Variants in CUL3 observed in about 807,000 individuals in gnomAD.
CUL3 encodes cullin 3, also known as cullin-3.
A neutral mutation model predicts 89.1 loss-of-function variants in CUL3; 19 were observed. The ratio of observed to expected loss-of-function variants is 0.21; its 90% confidence interval spans 0.15 to 0.31. CUL3 has a LOEUF of 0.31. CUL3 is among the 10% of genes least tolerant of loss of function. CUL3 has a pLI of 1.00. For missense variants in CUL3, 469 were observed against 942.3 expected, an observed-to-expected ratio of 0.50 and a Z score of 6.58; for synonymous variants, 351 against 308.4, an observed-to-expected ratio of 1.14 and a Z score of -1.45.
At chr2:224,538,374 A>G (rs1359258563) in intron 2 of CUL3, among the ~76,000 whole-genome samples, 1 of 152,238 alleles carries the variant, frequency 6.6e-6, no homozygotes, top group Non-Finnish European at 1.5e-5. Flanking sequence ...TTTTAAAAAG[A>G]TGGTTAAGTT....
chr2:224,515,179 G>A (rs192987095), intron 3 of CUL3, among the ~76,000 whole-genome samples: 13 of 152,190 alleles, frequency 8.5e-5, no homozygotes, highest in Admixed American at 2.6e-4. Context: ...AATAAAGTAC[G>A]GATTTATACA....
intron 2 of CUL3, among the ~76,000 whole-genome samples, chr2:224,554,354 C>T (rs747851139): frequency 5.9e-5 from 9 of 152,134 alleles, no homozygotes; most frequent in Non-Finnish European, 1.3e-4. Flanking sequence ...TTTCCAACTC[C>T]ATTATTAAGT....
Position 224,518,350 on chromosome 2 carries a change from C to T in CUL3, c.379-3578G>A, listed in dbSNP as rs1693142771. 2.0e-5 allele frequency among the ~76,000 whole-genome samples: 3 copies of T among 152,288 alleles called. No individual in the cohort carries two copies. The South Asian group carries it at 6.2e-4, about 32-fold the overall frequency. Reference sequence around the variant, plus strand: ...AACAGCACTCCATTGCATGGATACACCACATTTTGCTTATCTATAAGCTGA... The same window carrying T: ...AACAGCACTCCATTGCATGGATACATCACATTTTGCTTATCTATAAGCTGA... On this transcript the variant is annotated intron_variant, in intron 3 of 15. Coordinates refer to ENST00000264414, the MANE Select transcript of CUL3 (RefSeq NM_003590.5).
intron 10 of CUL3, among the ~76,000 whole-genome samples, chr2:224,501,030 C>A (rs975422868): frequency 2.6e-5 from 4 of 152,086 alleles, no homozygotes; most frequent in Non-Finnish European, 5.9e-5. Context: ...AAAACACTGA[C>A]CAAAGAATAG....
chr2:224,523,792 A>G (rs1256523838), intron 3 of CUL3, among the ~76,000 whole-genome samples: 1 of 152,242 alleles, frequency 6.6e-6, no homozygotes, highest in Non-Finnish European at 1.5e-5. Context: ...AGGACATGCT[A>G]AGTGAAATAT....
At chr2:224,550,681 C>T (rs1320303650) in intron 2 of CUL3, among the ~76,000 whole-genome samples, 2 of 152,178 alleles carry the variant, frequency 1.3e-5, no homozygotes, top group Admixed American at 6.5e-5. Context: ...TACAAACAAT[C>T]TGCTAGCAGG....
In CUL3 at chr2:224,478,239, T is replaced by C; in HGVS notation, c.2136A>G (p.Lys712=). The change falls in exon 15 of 16, where the codon AAA becomes AAG. Residue 712 remains lysine (K), a synonymous_variant. Transcript: ENST00000264414. ...CATTGTGCTGCATCTTCTTTCTAGA[T>C]TTCATTATCCGCACTATAGCAGCTT... ...EIEAAIVRIM[K]SRKKMQHNVL... The C allele has an allele frequency of 6.2e-7, 1 of 1,613,462 alleles. No individual in the cohort carries two copies. Among genetic ancestry groups the C allele is most frequent in the Non-Finnish European group, 8.5e-7 (1 of 1,179,602 alleles).
intron 3 of CUL3, among the ~76,000 whole-genome samples, chr2:224,520,573 C>T (rs1693224730): frequency 1.3e-5 from 2 of 152,178 alleles, no homozygotes; most frequent in African/African-American, 4.8e-5. Context: ...TACAAAAGCA[C>T]CACCAGTTTT....
intron 2 of CUL3, among the ~76,000 whole-genome samples, chr2:224,545,769 G>C (rs1420821690): frequency 2.0e-5 from 3 of 152,026 alleles, no homozygotes; most frequent in Non-Finnish European, 4.4e-5. Context: ...TCAATACAAA[G>C]TAGAATACAA....
chr2:224,579,855 A>G (rs1184043500), intron 1 of CUL3, among the ~76,000 whole-genome samples: 1 of 152,266 alleles, frequency 6.6e-6, no homozygotes. Flanking sequence ...ACCGTTTGAT[A>G]CAGGAAAGGA....
At chr2:224,559,502 C>T (rs1040864742) in intron 1 of CUL3, among the ~76,000 whole-genome samples, 5 of 151,544 alleles carry the variant, frequency 3.3e-5, no homozygotes, top group Non-Finnish European at 7.4e-5. Context: ...AAAACAAATC[C>T]TCACAAACCC....
chr2:224,492,255 GGTTA>G lies in CUL3; in HGVS notation c.1842+3573_1842+3576del, dbSNP rs554140635. Among the ~76,000 whole-genome samples the G allele has an allele frequency of 5.4e-3, 822 of 152,144 alleles. 14 individuals are homozygous for G. Among genetic ancestry groups the G allele is most frequent in the Middle Eastern group, 3.4e-3 (1 of 294 alleles). ...TTCCTATATCCCCCTTTTCAACTCA[GGTTA>G]GTCAATAAATTTGTAAGGAATTTCC... On this transcript the variant is annotated intron_variant, in intron 13 of 15. Transcript: ENST00000264414.
intron 1 of CUL3, among the ~76,000 whole-genome samples, chr2:224,580,444 G>A (rs373899598): frequency 2.0e-5 from 3 of 152,332 alleles, no homozygotes; most frequent in African/African-American, 7.2e-5. Flanking sequence ...AGCACTTTGC[G>A]TAACAGCGGT....
intron 1 of CUL3, among the ~76,000 whole-genome samples, chr2:224,572,522 TCCCAGCTA>T (rs1392356305): frequency 6.8e-6 from 1 of 147,164 alleles, no homozygotes; most frequent in East Asian, 2.0e-4. Context: ...GCACCTGTCG[TCCCAGCTA>T]CCCAGGAGGC....
intron 6 of CUL3, among the ~76,000 whole-genome samples, chr2:224,510,742 C>A (rs1356267387): frequency 6.6e-6 from 1 of 151,808 alleles, no homozygotes; most frequent in African/African-American, 2.4e-5. Context: ...TTTCTTTTAC[C>A]CCAGGAAAAT....
chr2:224,487,969 A>G (rs1224657190), intron 13 of CUL3, among the ~76,000 whole-genome samples: 1 of 152,222 alleles, frequency 6.6e-6, no homozygotes, highest in Non-Finnish European at 1.5e-5. Flanking sequence ...AACTACATGG[A>G]AACTGAACAA....
chr2:224,581,669 A>AT (rs1695440782), intron 1 of CUL3, among the ~76,000 whole-genome samples: 1 of 151,130 alleles, frequency 6.6e-6, no homozygotes, highest in African/African-American at 2.4e-5. Flanking sequence ...CACCTGGCAA[A>AT]TTTTTGTATT....
chr2:224,575,986 C>A (rs577834511), intron 1 of CUL3, among the ~76,000 whole-genome samples: 2 of 152,216 alleles, frequency 1.3e-5, no homozygotes, highest in South Asian at 4.1e-4. Context: ...AGAGGCTAGA[C>A]ATAATATCTG....
intron 2 of CUL3, among the ~76,000 whole-genome samples, chr2:224,557,449 A>G (rs1694748261): frequency 1.3e-5 from 2 of 152,174 alleles, no homozygotes; most frequent in South Asian, 4.1e-4. Context: ...AGCATTTATT[A>G]TAGCTCACAA....
Sources: allele counts gnomAD v4.1 joint callset (sites outside exome capture counted in the v4.1 genomes callset), GRCh38; gene constraint gnomAD v4.1.1; transcripts MANE v1.5; gene names NCBI Gene and HGNC (gene_info 2026-07-23, HGNC 2026-07-21).